The following CIP2A variants were observed in gnomAD, a reference collection of about 807,000 sequenced individuals.
CIP2A encodes the protein protein CIP2A.
In CIP2A, 103 loss-of-function variants were observed where a neutral mutation model predicts 110.9. The ratio of observed to expected loss-of-function variants is 0.93; its 90% CI spans 0.79 to 1.09. The LOEUF (loss-of-function observed/expected upper bound fraction) is 1.09. CIP2A is among the 50% of genes least tolerant of loss of function. The pLI is 0.00. For missense variants in CIP2A, 1,088 were observed against 1,038.4 expected (o/e 1.05, Z -0.66); for synonymous variants, 381 against 361.6 (o/e 1.05, Z -0.61).
In CIP2A at chr3:108,560,849, G is replaced by A; in HGVS notation, c.1635-8C>T. The A allele has an allele frequency of 6.6e-6, 10 of 1,512,940 alleles. No individual in the cohort carries two copies. Among genetic ancestry groups the A allele is most frequent in the South Asian group, 1.3e-5 (1 of 74,576 alleles). The allele number at this position is 1,512,940 out of a possible 1,614,324, so 93.7% of individuals were successfully genotyped here. On this transcript the variant is annotated splice_region_variant and splice_polypyrimidine_tract_variant and intron_variant, in intron 13 of 20. Coordinates refer to ENST00000295746, the MANE Select transcript of CIP2A (RefSeq NM_020890.3). ...GCTATACTTTCTCCAAGTCTGAATG[G>A]GAGTCAAAGAAAGGAAAAAAAAATT...
At chr3:108,575,611 T>C (rs1231185790) in intron 8 of CIP2A, among the ~76,000 whole-genome samples, 14 of 144,746 alleles carry the variant, frequency 9.7e-5, no homozygotes, top group South Asian at 2.1e-4. Context: ...TATATACTCA[T>C]ATACATGTGT....
chr3:108,566,423 A>G, intron 11 of CIP2A, 74 bp downstream of exon 11: 2 of 1,190,572 alleles, frequency 1.7e-6, no homozygotes, highest in Non-Finnish European at 2.4e-6. Context: ...ATGGTCCTCC[A>G]AAAGGATGAG....
chr3:108,568,214 T>C lies in CIP2A; in HGVS notation c.1214A>G (p.Asp405Gly). 1 of 1,612,464 alleles carries C rather than the reference T, an allele frequency of 6.2e-7. No homozygotes were observed. Among genetic ancestry groups the C allele is most frequent in the Non-Finnish European group, 8.5e-7 (1 of 1,178,896 alleles). Residue 405 changes from aspartate (D) to glycine (G), a missense_variant, in exon 10 of 21, where the codon GAT becomes GGT. By Grantham distance (94) the Asp-to-Gly change is moderately conservative. Coordinates refer to ENST00000295746, the MANE Select transcript of CIP2A (RefSeq NM_020890.3). Reference protein sequence around the residue: ...DQLQFTEQNLDEALTRKKCER... With the variant: ...DQLQFTEQNLGEALTRKKCER... ...ACATTTTTTTCTTGTTAAAGCCTCATCTAGATTTTGTTCTGTGAACTGAAG... is the reference window on the plus strand; with the variant it reads ...ACATTTTTTTCTTGTTAAAGCCTCACCTAGATTTTGTTCTGTGAACTGAAG...
chr3:108,585,577 T>C, intron 1 of CIP2A: 1 of 409,282 alleles, frequency 2.4e-6, no homozygotes, highest in Admixed American at 3.1e-5. Context: ...CACACTACAT[T>C]GAACATGCGA....
In CIP2A at chr3:108,557,343, C is replaced by A. The variant is rs62638702; in HGVS notation, c.2085G>T (p.Ala695=). The change falls in exon 17 of 21, where the codon GCG becomes GCT. Residue 695 remains alanine, a synonymous_variant. Coordinates refer to ENST00000295746, the MANE Select transcript of CIP2A (RefSeq NM_020890.3). ...KNEELSVLLK[A]QQVESERAQS... is the part of the protein sequence containing the mutation. Reference sequence around the variant, plus strand: ...GCGCTCTTTCTGATTCAACTTGCTGCGCCTTCAGCAACACACTAAGCTCTT... The same window carrying A: ...GCGCTCTTTCTGATTCAACTTGCTGAGCCTTCAGCAACACACTAAGCTCTT... The A allele has an allele frequency of 1.6e-5, 25 of 1,611,854 alleles. No homozygotes were observed. The highest frequency in any genetic ancestry group is 2.0e-5 in the Non-Finnish European group (23 of 1,178,664).
Position 108,570,201 on chromosome 3 carries a change from T to A in CIP2A, c.895-594A>T, listed in dbSNP as rs1576308353. 2.0e-5 allele frequency among the ~76,000 whole-genome samples: 3 copies of A among 151,866 alleles called. 1 individual carries two copies. In the East Asian group the frequency reaches 5.8e-4, roughly 29 times the overall value. On this transcript the variant is annotated intron_variant, in intron 8 of 20. Coordinates refer to ENST00000295746, the MANE Select transcript of CIP2A (RefSeq NM_020890.3). ...AAGATAAATTCCACCTCATTTCACA[T>A]ACTACCAACTTATCACTAAAAAAAA...
chr3:108,568,356 A>G (rs1217359206), intron 9 of CIP2A, 42 bp from the exon 10 acceptor site: 2 of 1,548,754 alleles, frequency 1.3e-6, no homozygotes, highest in Non-Finnish European at 1.8e-6. Flanking sequence ...GCAAAGATGG[A>G]ATATACAATA....
At chr3:108,588,879 T>C (rs1939195993) in intron 1 of CIP2A, among the ~76,000 whole-genome samples, 1 of 152,228 alleles carries the variant, frequency 6.6e-6, no homozygotes, top group Non-Finnish European at 1.5e-5. Flanking sequence ...AATTCAATTA[T>C]AGATTACCGA....
intron 17 of CIP2A, among the ~76,000 whole-genome samples, chr3:108,554,750 A>G (rs2107311671): frequency 6.6e-6 from 1 of 152,340 alleles, no homozygotes; most frequent in South Asian, 2.1e-4. Context: ...TATGGATATA[A>G]AGCCTTATTT....
At chr3:108,555,020 G>C (rs550681735) in intron 17 of CIP2A, among the ~76,000 whole-genome samples, 1 of 152,276 alleles carries the variant, frequency 6.6e-6, no homozygotes, top group East Asian at 1.9e-4. Flanking sequence ...AGCCAAACTT[G>C]GCCAGCAGTT....
chr3:108,581,553 A>G, intron 4 of CIP2A, 42 bp from the exon 5 acceptor site: 1 of 1,166,876 alleles, frequency 8.6e-7, no homozygotes, highest in Non-Finnish European at 1.3e-6. Context: ...AAAAAATAGT[A>G]AAAGAAAAAA....
intron 1 of CIP2A, among the ~76,000 whole-genome samples, chr3:108,587,618 CTGTA>C (rs1000463563): frequency 3.9e-5 from 6 of 152,140 alleles, no homozygotes; most frequent in Admixed American, 6.5e-5. Context: ...ACTTTATGCT[CTGTA>C]TGTATTTTAT....
chr3:108,553,894 TATAAAA>T (rs1204245957), intron 18 of CIP2A, among the ~76,000 whole-genome samples, 164 bp from the exon 19 acceptor site: 1,621 of 49,750 alleles, frequency 0.033, 209 homozygotes, highest in African/African-American at 0.1. Flanking sequence ...CTACTAAAAA[TATAAAA>T]AAAAAAAAAA....
intron 8 of CIP2A, among the ~76,000 whole-genome samples, chr3:108,575,271 T>TAC (rs763477071): frequency 6.6e-6 from 1 of 151,344 alleles, no homozygotes. Context: ...CATGTGTATA[T>TAC]ACACACACAC....
At chr3:108,581,278 CTT>C (rs1397045531) in intron 5 of CIP2A, 135 bp downstream of exon 5, 3 of 630,218 alleles carry the variant, frequency 4.8e-6, no homozygotes, top group Non-Finnish European at 8.3e-6. Context: ...CAATCTGACT[CTT>C]AATTTTGATG....
chr3:108,575,889 TATGAGTATATATAC>T (rs1233956925), intron 8 of CIP2A, among the ~76,000 whole-genome samples: 1 of 46,546 alleles, frequency 2.1e-5, no homozygotes, highest in African/African-American at 6.2e-5. Context: ...TATACATGTG[TATGAGTATATATAC>T]ATATATACAT....
chr3:108,569,320 T>C, intron 9 of CIP2A, 69 bp downstream of exon 9: 3 of 1,136,302 alleles, frequency 2.6e-6, no homozygotes, highest in Non-Finnish European at 4.0e-6. Flanking sequence ...ACAAAGAATG[T>C]TTTTGAAGAC....
In CIP2A at chr3:108,589,335, ACAGTCAGGAGCAAGGACTT is replaced by A. The variant is rs779216047; in HGVS notation, c.22_40del (p.Lys8SerfsTer7). On this transcript the variant is annotated frameshift_variant, in exon 1 of 21. Transcript: ENST00000295746. LOFTEE classifies it high-confidence loss of function. ...TGACTTCACGGCTTTGTACTGACTG[ACAGTCAGGAGCAAGGACTT>A]CAAGCAGGCAGTGGAGTCCATTGCA... 20 of 1,614,010 alleles carry A rather than the reference ACAGTCAGGAGCAAGGACTT, an allele frequency of 1.2e-5. No individual in the cohort carries two copies. Among genetic ancestry groups the A allele is most frequent in the Non-Finnish European group, 1.5e-5 (18 of 1,179,952 alleles).
chr3:108,556,636 C>T (rs1318542095), intron 17 of CIP2A, among the ~76,000 whole-genome samples: 4 of 152,154 alleles, frequency 2.6e-5, no homozygotes, highest in African/African-American at 7.2e-5. Context: ...ATTAAATATA[C>T]ATACCCTTTA....
Sources: allele counts gnomAD v4.1 joint callset (sites outside exome capture counted in the v4.1 genomes callset), GRCh38; gene constraint gnomAD v4.1.1; transcripts MANE v1.5; gene names NCBI Gene and HGNC (gene_info 2026-07-23, HGNC 2026-07-21).